The following UBR7 variants were observed in gnomAD, a reference collection of about 807,000 sequenced individuals.
The protein encoded by UBR7 is ubiquitin protein ligase E3 component n-recognin 7, also known as putative E3 ubiquitin-protein ligase UBR7.
A neutral mutation model predicts 57.0 loss-of-function variants in UBR7; 22 were observed. The ratio of observed to expected loss-of-function variants is 0.39; its 90% CI spans 0.28 to 0.55. UBR7 has a LOEUF of 0.55. UBR7 is among the 20% of genes least tolerant of loss of function. UBR7 has a pLI of 0.69. For synonymous variants in UBR7, 167 were observed against 179.8 expected, an observed-to-expected ratio of 0.93 and a Z score of 0.57; for missense variants, 395 against 513.2, an observed-to-expected ratio of 0.77 and a Z score of 2.23.
intron 9 of UBR7, among the ~76,000 whole-genome samples, chr14:93,221,855 T>A (rs1270220048): frequency 6.6e-6 from 1 of 152,018 alleles, no homozygotes; most frequent in African/African-American, 2.4e-5. Flanking sequence ...TGGTGGCGCG[T>A]GCCTGTAGTC....
chr14:93,214,806 G>C, intron 4 of UBR7, 123 bp from the exon 5 acceptor site: 2 of 843,170 alleles, frequency 2.4e-6, no homozygotes, highest in Non-Finnish European at 4.0e-6. Context: ...TTATCTCAAT[G>C]TAAGCCTTTG....
chr14:93,215,056 A>G, intron 5 of UBR7, 74 bp downstream of exon 5: 4 of 1,442,190 alleles, frequency 2.8e-6, no homozygotes, highest in Non-Finnish European at 3.8e-6. Flanking sequence ...CATTATAATT[A>G]GTCTTCTAAA....
intron 4 of UBR7, among the ~76,000 whole-genome samples, chr14:93,213,888 T>C (rs1894540123): frequency 6.6e-6 from 1 of 152,160 alleles, no homozygotes; most frequent in African/African-American, 2.4e-5. Context: ...AGATTGAAAG[T>C]CTCTTTGAGT....
rs769738703 is a variant in UBR7, at chr14:93,227,736, G to A, written c.*701G>A. 1.7e-5 allele frequency: 12 copies of A among 700,810 alleles called. No individual in the cohort carries two copies. Among genetic ancestry groups the A allele is most frequent in the East Asian group, 5.4e-5 (2 of 37,292 alleles). The allele number at this position is 700,810 out of a possible 1,614,324, so 43.4% of individuals were successfully genotyped here. ...CTAATACAGTTCAAGTGAAATTTTCGTTCATGATTCTATTGGCACTAGAAT... is the reference window on the plus strand; with the variant it reads ...CTAATACAGTTCAAGTGAAATTTTCATTCATGATTCTATTGGCACTAGAAT... On this transcript the variant is annotated 3_prime_UTR_variant, in exon 11 of 11. Coordinates refer to ENST00000013070, the MANE Select transcript of UBR7 (RefSeq NM_175748.4).
chr14:93,225,534 G>C (rs1042969208), intron 10 of UBR7, among the ~76,000 whole-genome samples: 1 of 151,802 alleles, frequency 6.6e-6, no homozygotes, highest in Non-Finnish European at 1.5e-5. Flanking sequence ...TTGGGAGGCT[G>C]AGATCGGAGG....
Position 93,228,988 on chromosome 14 carries a change from C to T in UBR7, c.*1953C>T, listed in dbSNP as rs1194000147. The T allele has an allele frequency of 1.3e-5, 6 of 453,772 alleles. No homozygotes were observed. The highest frequency in any genetic ancestry group is 2.6e-5 in the Non-Finnish European group (6 of 226,732). 28.1% of individuals were successfully genotyped at this position (453,772 alleles called of 1,614,324 possible). ...GAAACCTCTTTTTTTACCTGTTGTT[C>T]ACAACTAGTTTTCTTATTGACTGTA... On this transcript the variant is annotated 3_prime_UTR_variant, in exon 11 of 11. Coordinates refer to ENST00000013070, the MANE Select transcript of UBR7 (RefSeq NM_175748.4).
intron 6 of UBR7, 35 bp from the exon 7 acceptor site, chr14:93,218,492 T>C: frequency 6.4e-7 from 1 of 1,558,202 alleles, no homozygotes; most frequent in Non-Finnish European, 8.9e-7. Context: ...AGTGGATATG[T>C]GTGTATGTGT....
Position 93,215,083 on chromosome 14 carries a change from A to T in UBR7, c.496-93A>T, listed in dbSNP as rs1894562938. On this transcript the variant is annotated intron_variant, in intron 5 of 10. Coordinates refer to ENST00000013070, the MANE Select transcript of UBR7 (RefSeq NM_175748.4). Reference sequence around the variant, plus strand: ...TCTTCTAAAAATAAATTCTAATGATATGATCAGTGTATTATTACAGTATTT... The same window carrying T: ...TCTTCTAAAAATAAATTCTAATGATTTGATCAGTGTATTATTACAGTATTT... 2.2e-6 allele frequency: 3 copies of T among 1,394,010 alleles called. No individual in the cohort carries two copies. In the African/African-American group the frequency reaches 4.3e-5, roughly 20 times the overall value. 86.4% of individuals were successfully genotyped at this position (1,394,010 alleles called of 1,614,324 possible).
chr14:93,215,550 G>A (rs140878918), intron 6 of UBR7, among the ~76,000 whole-genome samples: 273 of 151,964 alleles, frequency 1.8e-3, no homozygotes, highest in African/African-American at 6.0e-3. Context: ...TTAGCCTGGC[G>A]TCACGGCGCT....
rs1271824195 is a variant in UBR7 at position 93,226,414 on chromosome 14, G to A, written c.1186-529G>A. 2.6e-5 allele frequency among the ~76,000 whole-genome samples: 4 copies of A among 152,316 alleles called. No individual in the cohort carries two copies. The East Asian group carries it at 5.8e-4, about 22-fold the overall frequency. On this transcript the variant is annotated intron_variant, in intron 10 of 10. Transcript: ENST00000013070. ...TGTAATCCCAGCATTCTGGGAGGAA[G>A]CGGGAGGATCACTTGAGCTCAGAAG...
Position 93,212,150 on chromosome 14 carries a change from C to G in UBR7, c.441+23C>G. ...GAGGTAAGAGAATTGGAAGTTAAAC[C>G]TGGGGGTGTGTCCCCTCTAGCCTTG... On this transcript the variant is annotated intron_variant, in intron 4 of 10. Transcript: ENST00000013070. 1.9e-6 allele frequency: 3 copies of G among 1,571,654 alleles called. No homozygotes were observed. The South Asian group carries it at 3.4e-5, about 18-fold the overall frequency.
chr14:93,218,419 A>AT, intron 6 of UBR7, 108 bp from the exon 7 acceptor site: 2 of 1,032,264 alleles, frequency 1.9e-6, no homozygotes, highest in South Asian at 1.5e-5. Context: ...TGTAAAAAAA[A>AT]AAAATAATAA....
At chr14:93,216,108 G>A (rs910960501) in intron 6 of UBR7, among the ~76,000 whole-genome samples, 5 of 152,164 alleles carry the variant, frequency 3.3e-5, no homozygotes, top group African/African-American at 9.7e-5. Context: ...TGTTAAAAGG[G>A]GCAAACAAGC....
chr14:93,213,537 G>T (rs1894532236), intron 4 of UBR7, among the ~76,000 whole-genome samples: 1 of 152,144 alleles, frequency 6.6e-6, no homozygotes, highest in Non-Finnish European at 1.5e-5. Flanking sequence ...TCAATCTCCT[G>T]ACCTCATGAT....
intron 10 of UBR7, chr14:93,223,788 G>T: frequency 1.4e-6 from 1 of 737,484 alleles, no homozygotes; most frequent in East Asian, 2.5e-5. Flanking sequence ...TGCGGTGCCA[G>T]GCGCCCATAG....
intron 10 of UBR7, 55 bp from the exon 11 acceptor site, chr14:93,226,888 G>T (rs928099520): frequency 2.4e-6 from 3 of 1,258,746 alleles, no homozygotes; most frequent in Admixed American, 1.7e-5. Flanking sequence ...CTATGACCTC[G>T]GATTGCGATT....
Position 93,209,877 on chromosome 14 carries a change from A to T in UBR7, c.204A>T (p.Gly68=). 1.9e-6 allele frequency: 3 copies of T among 1,614,060 alleles called. No homozygotes were observed. Among genetic ancestry groups the T allele is most frequent in the Non-Finnish European group, 2.5e-6 (3 of 1,179,982 alleles). ...LYACSTCTPE[G]EEPAGICLAC... ...CCTGTAGTACCTGCACCCCAGAGGG[A>T]GAAGAACCAGCAGGAATTTGTTTAG... The change falls in exon 2 of 11, where the codon GGA becomes GGT. Residue 68 remains glycine, a synonymous_variant. Coordinates refer to ENST00000013070, the MANE Select transcript of UBR7 (RefSeq NM_175748.4).
rs373123895 is a variant in UBR7 at position 93,227,338 on chromosome 14, G to T, written c.*303G>T. On this transcript the variant is annotated 3_prime_UTR_variant, in exon 11 of 11. Transcript: ENST00000013070. ...GATTTTGTTTTGAGAAAGCAAATTGGTGTCTTGTTTAATGATCTGTTATTT... is the reference window on the plus strand; with the variant it reads ...GATTTTGTTTTGAGAAAGCAAATTGTTGTCTTGTTTAATGATCTGTTATTT... The T allele has an allele frequency of 1.5e-5, 9 of 611,696 alleles. No homozygotes were observed. Among genetic ancestry groups the T allele is most frequent in the Middle Eastern group, 4.3e-4 (1 of 2,322 alleles). The allele number at this position is 611,696 out of a possible 1,614,324, so 37.9% of individuals were successfully genotyped here. A position where few individuals can be genotyped will look rare whatever the true frequency, so the allele number is the denominator to read the frequency against.
chr14:93,222,226 A>ATT, intron 9 of UBR7, 87 bp from the exon 10 acceptor site: 1 of 903,160 alleles, frequency 1.1e-6, no homozygotes, highest in Non-Finnish European at 1.8e-6. Flanking sequence ...CATTATTAAC[A>ATT]GACTCAGGTG....
Sources: gnomAD v4.1 joint callset for allele counts (sites outside exome capture counted in the v4.1 genomes callset) on GRCh38, gnomAD v4.1.1 for gene constraint, MANE v1.5 for transcripts, NCBI Gene and HGNC (gene_info 2026-07-23, HGNC 2026-07-21) for gene names.